The following TOGARAM2 variants were observed in gnomAD, a reference collection of about 807,000 sequenced individuals.
TOGARAM2 encodes TOG array regulator of axonemal microtubules protein 2.
Under a neutral mutation model 93.3 loss-of-function variants are expected in TOGARAM2, and 85 were observed. The ratio of observed to expected loss-of-function variants is 0.91; its 90% CI spans 0.76 to 1.09. The LOEUF (loss-of-function observed/expected upper bound fraction) is 1.09, where lower values mean the gene tolerates loss of function less well. TOGARAM2 is among the 50% of genes least tolerant of loss of function. The pLI is 0.00. For synonymous variants in TOGARAM2, 593 were observed against 552.8 expected (o/e 1.07, Z -1.02); for missense variants, 1,277 against 1,334.5 (o/e 0.96, Z 0.67).
At chr2:28,978,990 T>C (rs1558396359), upstream of TOGARAM2, among the ~76,000 whole-genome samples, 1 of 152,178 alleles carries the variant, frequency 6.6e-6, no homozygotes. Context: ...TATGAAAATA[T>C]TTTTTTAGAA....
intron 6 of TOGARAM2, 67 bp from the exon 7 acceptor site, chr2:29,011,388 G>A (rs1664235506): frequency 2.0e-6 from 3 of 1,519,026 alleles, no homozygotes; most frequent in Non-Finnish European, 2.7e-6. Context: ...AGCCACCCTG[G>A]GCTCCCCCAG....
At chr2:28,988,851 A>C (rs1052611520) in intron 1 of TOGARAM2, among the ~76,000 whole-genome samples, 1 of 152,118 alleles carries the variant, frequency 6.6e-6, no homozygotes, top group Admixed American at 6.5e-5. Flanking sequence ...ATGATTCCAT[A>C]ATGGTCACAT....
intron 14 of TOGARAM2, among the ~76,000 whole-genome samples, chr2:29,032,383 G>A (rs550934821): frequency 2.0e-5 from 3 of 152,242 alleles, no homozygotes; most frequent in Middle Eastern, 3.4e-3. Flanking sequence ...TATCTGTTGA[G>A]CCCCAACGCA....
intron 1 of TOGARAM2, among the ~76,000 whole-genome samples, chr2:28,974,800 A>G (rs957174407): frequency 2.8e-5 from 4 of 142,534 alleles, no homozygotes; most frequent in Admixed American, 7.4e-5. Context: ...TATTATTATT[A>G]TTATTTTTTT....
chr2:28,966,408 C>T (rs1428017004), intron 1 of TOGARAM2, among the ~76,000 whole-genome samples: 2 of 152,150 alleles, frequency 1.3e-5, no homozygotes, highest in Non-Finnish European at 2.9e-5. Flanking sequence ...AGCGATTCTC[C>T]TGCCTCAGCC....
intron 7 of TOGARAM2, 25 bp downstream of exon 7, chr2:29,011,526 C>T: frequency 6.3e-7 from 1 of 1,589,574 alleles, no homozygotes; most frequent in Non-Finnish European, 8.5e-7. Flanking sequence ...TGCACACCTC[C>T]CTTTGTTATT....
intron 3 of TOGARAM2, among the ~76,000 whole-genome samples, 155 bp from the exon 4 acceptor site, chr2:28,999,026 T>A (rs1428004420): frequency 6.6e-6 from 1 of 152,258 alleles, no homozygotes; most frequent in South Asian, 2.1e-4. Context: ...GTCGAATGAA[T>A]GACTCGTCCC....
Position 29,033,560 on chromosome 2 carries a change from AG to A in TOGARAM2, c.2225+1del. On this transcript the variant is annotated frameshift_variant and splice_region_variant, in exon 16 of 20. Transcript: ENST00000379558. LOFTEE classifies it high-confidence loss of function. ...TGTGAGAACGGGCTGCCCATCAAGG[AG>A]GGGTATGGCTGCTCCTGTATCTCTG... ...VVCENGLPIKEGLSCNGPRLV... is the reference protein window; with the variant it reads ...VVCENGLPIKXGLSCNGPRLV... The A allele has an allele frequency of 6.2e-7, 1 of 1,612,856 alleles. No individual in the cohort carries two copies. Among genetic ancestry groups the A allele is most frequent in the South Asian group, 1.1e-5 (1 of 90,678 alleles).
intron 1 of TOGARAM2, among the ~76,000 whole-genome samples, chr2:28,964,737 G>A (rs182429838): frequency 1.3e-4 from 20 of 151,952 alleles, no homozygotes; most frequent in Admixed American, 1.2e-3. Flanking sequence ...AGAACATGTG[G>A]TGGTTGGTTT....
In TOGARAM2 at chr2:29,002,627, G is replaced by C. The variant is rs751807619; in HGVS notation, c.519G>C (p.Arg173Ser). The C allele has an allele frequency of 1.2e-5, 20 of 1,613,816 alleles. No homozygotes were observed. The highest frequency in any genetic ancestry group is 3.3e-4 in the Middle Eastern group (2 of 6,082). Residue 173 changes from arginine (R) to serine (S), a missense_variant, in exon 5 of 20, where the codon AGG (arginine) becomes AGC (serine). Arg to Ser is a moderately radical substitution (Grantham distance 110). Coordinates refer to ENST00000379558, the MANE Select transcript of TOGARAM2 (RefSeq NM_199280.4). ...ATSQRLLRVPRPMPLIQSIPT... is the reference protein window; with the variant it reads ...ATSQRLLRVPSPMPLIQSIPT... ...CTCAGAGGCTGCTGAGGGTGCCCAG[G>C]CCGATGCCTCTCATCCAGAGCATCC...
At chr2:28,963,500 A>G (rs1380064690) in intron 1 of TOGARAM2, among the ~76,000 whole-genome samples, 1 of 151,718 alleles carries the variant, frequency 6.6e-6, no homozygotes, top group East Asian at 2.0e-4. Flanking sequence ...TCAGCTTCCC[A>G]AGTAGCTAGG....
chr2:29,017,909 G>A lies in TOGARAM2; in HGVS notation c.1313G>A (p.Ser438Asn), dbSNP rs774976353. The change falls in exon 10 of 20, where the codon AGC (serine) becomes AAC (asparagine). Residue 438 changes from serine to asparagine, a missense_variant. Physicochemically the swap from Ser to Asn is conservative, Grantham distance 46. Transcript: ENST00000379558. ...TGGGCCAGCCGGGCCTCCCTGCCCA[G>A]CATCCCCATCAGCCGGCAGGAGCCC... ...RKWASRASLP[S>N]IPISRQEPRF... 6.2e-7 allele frequency: 1 copy of A among 1,611,660 alleles called. No individual in the cohort carries two copies. Among genetic ancestry groups the A allele is most frequent in the Non-Finnish European group, 8.5e-7 (1 of 1,179,042 alleles).
At chr2:29,015,984 C>T (rs950576821) in intron 8 of TOGARAM2, among the ~76,000 whole-genome samples, 11 of 152,210 alleles carry the variant, frequency 7.2e-5, no homozygotes, top group African/African-American at 2.7e-4. Flanking sequence ...CCTCGCCAGC[C>T]TAGACCTTCC....
At chr2:29,031,651 C>A (rs993935035) in intron 14 of TOGARAM2, among the ~76,000 whole-genome samples, 2 of 152,170 alleles carry the variant, frequency 1.3e-5, no homozygotes, top group African/African-American at 2.4e-5. Flanking sequence ...GAAGGAATGA[C>A]CAAGTCCCAC....
intron 16 of TOGARAM2, 127 bp downstream of exon 16, chr2:29,033,690 G>T: frequency 1.3e-6 from 1 of 780,152 alleles, no homozygotes; most frequent in Non-Finnish European, 2.0e-6. Context: ...GACCTAGTTG[G>T]GGCTGCAATA....
rs116725693 is a variant in TOGARAM2, at chr2:29,014,517, T to G, written c.1000T>G (p.Cys334Gly). 16 of 1,574,476 alleles carry G rather than the reference T, an allele frequency of 1.0e-5. No individual in the cohort carries two copies. In the South Asian group the frequency reaches 1.9e-4, roughly 18 times the overall value. The change falls in exon 8 of 20, where the codon TGC becomes GGC. Residue 334 changes from cysteine to glycine, a missense_variant. Physicochemically the swap from Cys to Gly is radical, Grantham distance 159. Coordinates refer to ENST00000379558, the MANE Select transcript of TOGARAM2 (RefSeq NM_199280.4). Reference protein sequence around the residue: ...AFSFDCAREACPPLKEEDQKE... With the variant: ...AFSFDCAREAGPPLKEEDQKE... ...CTCCTTTGACTGTGCCAGAGAAGCC[T>G]GCCCTCCGCTGAAAGAAGAGGACCA...
intron 6 of TOGARAM2, among the ~76,000 whole-genome samples, chr2:29,008,608 C>T (rs1440721578): frequency 6.6e-6 from 1 of 152,152 alleles, no homozygotes; most frequent in Non-Finnish European, 1.5e-5. Flanking sequence ...AGACATGCAC[C>T]ACCAGGCCCG....
intron 1 of TOGARAM2, among the ~76,000 whole-genome samples, chr2:28,967,582 C>G (rs1467787693): frequency 1.3e-5 from 2 of 152,120 alleles, no homozygotes; most frequent in East Asian, 1.9e-4. Context: ...TCCACTGGCC[C>G]TAGCTGAGGT....
At chr2:29,022,013 A>G (rs1664982473) in intron 10 of TOGARAM2, 145 bp from the exon 11 acceptor site, 1 of 1,041,818 alleles carries the variant, frequency 9.6e-7, no homozygotes, top group East Asian at 2.4e-5. Context: ...TAGCCTCACC[A>G]GGCACTTCCA....
Sources: gnomAD v4.1 joint callset for allele counts (sites outside exome capture counted in the v4.1 genomes callset) on GRCh38, gnomAD v4.1.1 for gene constraint, MANE v1.5 for transcripts, NCBI Gene and HGNC (gene_info 2026-07-23, HGNC 2026-07-21) for gene names.